GRIN3B: variants seen among roughly 807,000 people sequenced by gnomAD.
GRIN3B encodes glutamate ionotropic receptor NMDA type subunit 3B.
GRIN3B carries 77 observed loss-of-function variants against 66.0 expected under a neutral mutation model. That is an observed-to-expected ratio of 1.17 (90% confidence interval 0.97 to 1.41). GRIN3B has a LOEUF of 1.41. Among genes scored for constraint, GRIN3B ranks in the 40% most tolerant of loss-of-function variants. The probability of loss-of-function intolerance (pLI) is 0.00; values close to 1 mark genes in which losing one functional copy is unlikely to be tolerated. For missense variants in GRIN3B, 1,787 were observed against 1,564.5 expected, an observed-to-expected ratio of 1.14 and a Z score of -2.40; for synonymous variants, 823 against 749.7, an observed-to-expected ratio of 1.10 and a Z score of -1.60.
chr19:1,005,290 T>C lies in GRIN3B; in HGVS notation c.1789T>C (p.Trp597Arg). The change falls in exon 3 of 9, where the codon TGG becomes CGG. Residue 597 changes from tryptophan (W) to arginine (R), a missense_variant. Physicochemically the swap from Trp to Arg is moderately radical, Grantham distance 101. Transcript: ENST00000234389. This position sits in a 1 kb window ranked among gnomAD's most constrained non-coding sequence, Gnocchi z 5.2. ...CGCGCTCTTCCTCACCGTGTACGAG[T>C]GGCGTAGCCCCTACGGCCTCACGCC... ...LTALFLTVYE[W>R]RSPYGLTPRG... The C allele has an allele frequency of 6.2e-7, 1 of 1,613,488 alleles. No homozygotes were observed. Among genetic ancestry groups the C allele is most frequent in the Non-Finnish European group, 8.5e-7 (1 of 1,179,964 alleles).
intron 2 of GRIN3B, among the ~76,000 whole-genome samples, chr19:1,004,129 G>A (rs775747682): frequency 2.1e-4 from 32 of 152,184 alleles, no homozygotes; most frequent in Non-Finnish European, 3.5e-4. Context: ...TTAGGTCCCC[G>A]GAAGCAGTGC....
Position 1,009,332 on chromosome 19 carries a change from T to C in GRIN3B, c.2862T>C (p.Ala954=). The C allele has an allele frequency of 7.2e-7, 1 of 1,397,880 alleles. No individual in the cohort carries two copies. The highest frequency in any genetic ancestry group is 9.2e-7 in the Non-Finnish European group (1 of 1,085,392). 86.6% of individuals were successfully genotyped at this position (1,397,880 alleles called of 1,614,324 possible). Residue 954 remains alanine (A), a synonymous_variant, in exon 9 of 9, where the codon GCT becomes GCC. Coordinates refer to ENST00000234389, the MANE Select transcript of GRIN3B (RefSeq NM_138690.3). ...CCGAAGCGGACGCGGAGGCGGAGGC[T>C]GCGCCGCGAGAGGGCCCCGTCTGGC... ...VAPEADAEAE[A]APREGPVWLC...
chr19:1,005,432 T>TCCCCACGG lies in GRIN3B; in HGVS notation c.1931_1932insCCCCACGG (p.Leu645ProfsTer5). 1.2e-6 allele frequency: 2 copies of TCCCCACGG among 1,613,640 alleles called. No homozygotes were observed. The highest frequency in any genetic ancestry group is 1.7e-6 in the Non-Finnish European group (2 of 1,180,002). ...ACGCCCAAGTGCCCCACGGGCCGCC[T>TCCCCACGG]GCTCATGAACCTCTGGGCCATCTTC... On this transcript the variant is annotated frameshift_variant, in exon 3 of 9. Coordinates refer to ENST00000234389, the MANE Select transcript of GRIN3B (RefSeq NM_138690.3). LOFTEE classifies it high-confidence loss of function. The surrounding 1 kb of genome is among the most constrained non-coding windows in gnomAD (Gnocchi z 5.2).
Position 1,009,332 on chromosome 19 carries a change from T to G in GRIN3B, c.2862T>G (p.Ala954=), listed in dbSNP as rs1329845151. Residue 954 remains alanine, a synonymous_variant, in exon 9 of 9, where the codon GCT becomes GCG. Transcript: ENST00000234389. ...VAPEADAEAE[A]APREGPVWLC... is the part of the protein sequence containing the mutation. ...CCGAAGCGGACGCGGAGGCGGAGGC[T>G]GCGCCGCGAGAGGGCCCCGTCTGGC... 3 of 1,397,772 alleles carry G rather than the reference T, an allele frequency of 2.1e-6. No individual in the cohort carries two copies. The highest frequency in any genetic ancestry group is 3.1e-5 in the African/African-American group (2 of 65,418). 86.6% of individuals were successfully genotyped at this position (1,397,772 alleles called of 1,614,324 possible). A position where few individuals can be genotyped will look rare whatever the true frequency, so the allele number is the denominator to read the frequency against.
chr19:1,007,570 C>T lies in GRIN3B; in HGVS notation c.2053-58C>T. 4.3e-6 allele frequency: 6 copies of T among 1,389,970 alleles called. No homozygotes were observed. The highest frequency in any genetic ancestry group is 5.6e-6 in the Non-Finnish European group (6 of 1,074,124). 86.1% of individuals were successfully genotyped at this position (1,389,970 alleles called of 1,614,324 possible). On this transcript the variant is annotated intron_variant, in intron 3 of 8. Coordinates refer to ENST00000234389, the MANE Select transcript of GRIN3B (RefSeq NM_138690.3). The surrounding 1 kb of genome is among the most constrained non-coding windows in gnomAD (Gnocchi z 4.4). ...CCCCACCCCGGAGAACGGCGCGCCC[C>T]TCAATGGTCAGGGGTCCTGAGGGGC...
In GRIN3B at chr19:1,003,402, C is replaced by T. The variant is rs757374166; in HGVS notation, c.699C>T (p.Pro233=). 183 of 1,553,324 alleles carry T rather than the reference C, an allele frequency of 1.2e-4. 1 individual carries two copies. The highest frequency in any genetic ancestry group is 2.5e-4 in the South Asian group (21 of 85,060). ...CAGTGGGGGGTGAAGCACCGGTACCCGCGGCGGTCCTCCTCGGCTGTGACA... is the reference window on the plus strand; with the variant it reads ...CAGTGGGGGGTGAAGCACCGGTACCTGCGGCGGTCCTCCTCGGCTGTGACA... ...AAPVGGEAPV[P]AAVLLGCDIA... Residue 233 remains proline, a synonymous_variant, in exon 2 of 9, where the codon CCC becomes CCT. Transcript: ENST00000234389.
At chr19:1,003,963 C>T (rs1041199784) in intron 2 of GRIN3B, among the ~76,000 whole-genome samples, 1 of 152,254 alleles carries the variant, frequency 6.6e-6, no homozygotes, top group Non-Finnish European at 1.5e-5. Flanking sequence ...GTGACACGCA[C>T]CTGTAGTTCC....
At chr19:1,001,220 G>A (rs946527472) in intron 1 of GRIN3B, among the ~76,000 whole-genome samples, 4 of 151,794 alleles carry the variant, frequency 2.6e-5, no homozygotes, top group African/African-American at 9.7e-5. Flanking sequence ...CTTCCCCACA[G>A]ACCCTTCCCT....
At position 1,009,290 on chromosome 19, in the gene GRIN3B, C is replaced by A; in HGVS notation, c.2820C>A (p.Pro940=). The A allele has an allele frequency of 1.4e-6, 2 of 1,410,740 alleles. No homozygotes were observed. The highest frequency in any genetic ancestry group is 1.8e-6 in the Non-Finnish European group (2 of 1,092,676). 87.4% of individuals were successfully genotyped at this position (1,410,740 alleles called of 1,614,324 possible). The part of the protein sequence containing the change: ...KERRVRFLLE[P]AVVVAPEADA... Reference sequence around the variant, plus strand: ...GCCGCGTGCGCTTCCTGCTGGAGCCCGCCGTGGTTGTGGCACCCGAAGCGG... The same window carrying A: ...GCCGCGTGCGCTTCCTGCTGGAGCCAGCCGTGGTTGTGGCACCCGAAGCGG... The change falls in exon 9 of 9, where the codon CCC becomes CCA. Residue 940 remains proline, a synonymous_variant. Transcript: ENST00000234389.
At position 1,005,429 on chromosome 19, in the gene GRIN3B, G is replaced by A. The variant is rs147694026; in HGVS notation, c.1928G>A (p.Arg643His). 4.9e-5 allele frequency: 79 copies of A among 1,613,612 alleles called. No homozygotes were observed. Among genetic ancestry groups the A allele is most frequent in the East Asian group, 8.9e-5 (4 of 44,874 alleles). Residue 643 changes from arginine to histidine, a missense_variant, in exon 3 of 9, where the codon CGC (arginine) becomes CAC (histidine). By Grantham distance (29) the Arg-to-His change is conservative. Transcript: ENST00000234389. The surrounding 1 kb of genome is among the most constrained non-coding windows in gnomAD (Gnocchi z 5.2). The part of the protein sequence containing the change: ...SSKTPKCPTG[R>H]LLMNLWAIFC... ...AAGACGCCCAAGTGCCCCACGGGCC[G>A]CCTGCTCATGAACCTCTGGGCCATC...
chr19:1,002,723 G>A (rs2038696055), intron 1 of GRIN3B: 1 of 170,668 alleles, frequency 5.9e-6, no homozygotes, highest in Non-Finnish European at 1.2e-5. Flanking sequence ...AGGGACCTGA[G>A]GCTGGAGGCG....
Position 1,005,075 on chromosome 19 carries a change from C to T in GRIN3B, c.1574C>T (p.Ala525Val). 1 of 1,611,538 alleles carries T rather than the reference C, an allele frequency of 6.2e-7. No individual in the cohort carries two copies. Among genetic ancestry groups the T allele is most frequent in the Middle Eastern group, 1.7e-4 (1 of 6,054 alleles). The part of the protein sequence containing the change: ...GLVGDLLAGR[A>V]HMAVTSFSIN... ...GTCGGGGACCTGCTGGCCGGCCGGG[C>T]CCACATGGCGGTCACCAGCTTCAGT... Residue 525 changes from alanine (A) to valine (V), a missense_variant, in exon 3 of 9, where the codon GCC becomes GTC. Ala to Val is a moderately conservative substitution (Grantham distance 64). Coordinates refer to ENST00000234389, the MANE Select transcript of GRIN3B (RefSeq NM_138690.3). The surrounding 1 kb of genome is among the most constrained non-coding windows in gnomAD (Gnocchi z 5.2).
In GRIN3B at chr19:1,007,664, G is replaced by A; in HGVS notation, c.2089G>A (p.Val697Met). The A allele has an allele frequency of 1.3e-6, 2 of 1,532,970 alleles. No homozygotes were observed. The highest frequency in any genetic ancestry group is 1.8e-6 in the Non-Finnish European group (2 of 1,141,830). 95.0% of individuals were successfully genotyped at this position (1,532,970 alleles called of 1,614,324 possible). The change falls in exon 4 of 9, where the codon GTG becomes ATG. Residue 697 changes from valine (V) to methionine (M), a missense_variant. By Grantham distance (21) the Val-to-Met change is conservative (BLOSUM62 1). Transcript: ENST00000234389. This position sits in a 1 kb window ranked among gnomAD's most constrained non-coding sequence, Gnocchi z 4.4. ...HPAQGFRFGT[V>M]WESSAEAYIK... The stretch of plus-strand genomic sequence containing the variant: ...GGCGCAGGGCTTCCGCTTCGGCACC[G>A]TGTGGGAGAGCAGCGCCGAGGCGTA...
Position 1,009,725 on chromosome 19 carries a change from C to T in GRIN3B, c.*123C>T, listed in dbSNP as rs1011906734. The T allele has an allele frequency of 3.5e-6, 3 of 859,012 alleles. No homozygotes were observed. The highest frequency in any genetic ancestry group is 3.4e-5 in the East Asian group (1 of 29,644). 53.2% of individuals were successfully genotyped at this position (859,012 alleles called of 1,614,324 possible). A position where few individuals can be genotyped will look rare whatever the true frequency, so the allele number is the denominator to read the frequency against. ...CTGCAATTAAATAGAATGGAATGAG[C>T]GCTCCTCCGCATTCCTCCCCGAGTG... On this transcript the variant is annotated 3_prime_UTR_variant, in exon 9 of 9. Transcript: ENST00000234389.
In GRIN3B at chr19:1,005,267, C is replaced by T. The variant is rs1366648289; in HGVS notation, c.1766C>T (p.Ala589Val). ...LGVFAALHLTALFLTVYEWRS... is the reference protein window; with the variant it reads ...LGVFAALHLTVLFLTVYEWRS... ...GTCTTTGCGGCCCTGCACCTCACCG[C>T]GCTCTTCCTCACCGTGTACGAGTGG... The change falls in exon 3 of 9, where the codon GCG becomes GTG. Residue 589 changes from alanine to valine, a missense_variant. Ala to Val is a moderately conservative substitution (Grantham distance 64). Coordinates refer to ENST00000234389, the MANE Select transcript of GRIN3B (RefSeq NM_138690.3). The surrounding 1 kb of genome is among the most constrained non-coding windows in gnomAD (Gnocchi z 5.2). 11 of 1,613,504 alleles carry T rather than the reference C, an allele frequency of 6.8e-6. No individual in the cohort carries two copies. Among genetic ancestry groups the T allele is most frequent in the East Asian group, 2.2e-5 (1 of 44,888 alleles).
rs902601178 is a variant in GRIN3B, at chr19:1,007,441, T to G, written c.2053-187T>G. Among the ~76,000 whole-genome samples the G allele has an allele frequency of 6.6e-6, 1 of 151,624 alleles. No homozygotes were observed. Among genetic ancestry groups the G allele is most frequent in the African/African-American group, 2.4e-5 (1 of 41,256 alleles). On this transcript the variant is annotated intron_variant, in intron 3 of 8. Transcript: ENST00000234389. This position sits in a 1 kb window ranked among gnomAD's most constrained non-coding sequence, Gnocchi z 4.4. Reference sequence around the variant, plus strand: ...CCGCCCCAGGGGACCCTGGACAGTGTGTGTCTAGAGACAGCTGTGGTGGTC... The same window carrying G: ...CCGCCCCAGGGGACCCTGGACAGTGGGTGTCTAGAGACAGCTGTGGTGGTC...
At position 1,008,359 on chromosome 19, in the gene GRIN3B, A is replaced by G. The variant is rs10403909; in HGVS notation, c.2466+68A>G. 0.71 allele frequency: 788,892 copies of G among 1,105,388 alleles called. 293,112 individuals carry two copies. The highest frequency in any genetic ancestry group is 0.81 in the Middle Eastern group (2,792 of 3,430). 68.5% of individuals were successfully genotyped at this position (1,105,388 alleles called of 1,614,324 possible). A position where few individuals can be genotyped will look rare whatever the true frequency, so the allele number is the denominator to read the frequency against. ...GTGGGGGGCCCTGAGCCTTGTCTGA[A>G]GTGACCAACCCCAGTGCTCATTCCC... On this transcript the variant is annotated intron_variant, in intron 6 of 8. Transcript: ENST00000234389.
At position 1,007,666 on chromosome 19, in the gene GRIN3B, G is replaced by A. The variant is rs1330676737; in HGVS notation, c.2091G>A (p.Val697=). 1 of 1,533,740 alleles carries A rather than the reference G, an allele frequency of 6.5e-7. No individual in the cohort carries two copies. Among genetic ancestry groups the A allele is most frequent in the Non-Finnish European group, 8.8e-7 (1 of 1,142,170 alleles). The change falls in exon 4 of 9, where the codon GTG becomes GTA. Residue 697 remains valine, a synonymous_variant. Transcript: ENST00000234389. The surrounding 1 kb of genome is among the most constrained non-coding windows in gnomAD (Gnocchi z 4.4). ...CGCAGGGCTTCCGCTTCGGCACCGTGTGGGAGAGCAGCGCCGAGGCGTACA... is the reference window on the plus strand; with the variant it reads ...CGCAGGGCTTCCGCTTCGGCACCGTATGGGAGAGCAGCGCCGAGGCGTACA... ...HPAQGFRFGT[V]WESSAEAYIK... is the part of the protein sequence containing the mutation.
rs374472604 is a variant in GRIN3B, at chr19:1,005,565, C to T, written c.2052+12C>T. On this transcript the variant is annotated intron_variant, in intron 3 of 8. Transcript: ENST00000234389. This position sits in a 1 kb window ranked among gnomAD's most constrained non-coding sequence, Gnocchi z 5.2. ...TCCACGACCCCAAGGTGGGCGGCCTCGGGGGGCTGCGGGTGGCCTTGGGGG... is the reference window on the plus strand; with the variant it reads ...TCCACGACCCCAAGGTGGGCGGCCTTGGGGGGCTGCGGGTGGCCTTGGGGG... 1.6e-5 allele frequency: 25 copies of T among 1,543,560 alleles called. No homozygotes were observed. Among genetic ancestry groups the T allele is most frequent in the African/African-American group, 9.5e-5 (7 of 73,540 alleles).
Sources: gnomAD v4.1 joint callset for allele counts (sites outside exome capture counted in the v4.1 genomes callset) on GRCh38, gnomAD v4.1.1 for gene constraint, Gnocchi (gnomAD v3.1) non-coding constraint, MANE v1.5 for transcripts, NCBI Gene and HGNC (gene_info 2026-07-23, HGNC 2026-07-21) for gene names.